Variants in IGFL2 observed in about 807,000 individuals in gnomAD.
IGFL2 encodes the protein IGF like family member 2, also known as insulin growth factor-like family member 2.
Under a neutral mutation model 13.9 loss-of-function variants are expected in IGFL2, and 7 were observed. The observed-to-expected ratio is 0.51, with a 90% CI of 0.29 to 0.95. The LOEUF (loss-of-function observed/expected upper bound fraction) is 0.95. Ranked by LOEUF, IGFL2 falls within the 40% of genes least tolerant of loss-of-function variation. The pLI, the probability that IGFL2 is intolerant of heterozygous loss-of-function variation, is 0.08. For synonymous variants in IGFL2, 55 were observed against 55.8 expected (o/e 0.99, Z 0.07); for missense variants, 138 against 147.8 (o/e 0.93, Z 0.34).
chr19:46,152,344 A>G (rs142407589), intron 1 of IGFL2, among the ~76,000 whole-genome samples: 132 of 150,864 alleles, frequency 8.7e-4, no homozygotes, highest in African/African-American at 3.1e-3. Flanking sequence ...TGGTGTGATC[A>G]TAGCTCAATG....
chr19:46,091,838 G>A, the IGFL2 span, among the ~76,000 whole-genome samples: 2,017 of 152,112 alleles, frequency 0.013, 31 homozygotes, highest in Middle Eastern at 0.027. Context: ...AAATACAAAA[G>A]CATTTTTAAA....
At chr19:46,168,343 G>T in the IGFL2 span, among the ~76,000 whole-genome samples, 4 of 152,132 alleles carry the variant, frequency 2.6e-5, no homozygotes, top group East Asian at 5.8e-4. Context: ...CAAATGTCTG[G>T]TCTTATTTAA....
chr19:46,124,417 A>G, the IGFL2 span: 1 of 1,377,264 alleles, frequency 7.3e-7, no homozygotes, highest in Non-Finnish European at 1.0e-6. Context: ...GGGTGGTTTA[A>G]AGGTGGAGAT....
chr19:46,151,456 T>C (rs1203390438), intron 1 of IGFL2, among the ~76,000 whole-genome samples: 2 of 152,258 alleles, frequency 1.3e-5, no homozygotes, highest in African/African-American at 2.4e-5. Flanking sequence ...TTGATCTATA[T>C]GTCTATCCTG....
chr19:46,080,701 C>T, the IGFL2 span, among the ~76,000 whole-genome samples: 4 of 152,240 alleles, frequency 2.6e-5, no homozygotes, highest in South Asian at 6.2e-4. Flanking sequence ...TGTTGGTGGT[C>T]TTGGTTTCAG....
At chr19:46,137,678 C>G in the IGFL2 span, 2 of 574,070 alleles carry the variant, frequency 3.5e-6, no homozygotes, top group Non-Finnish European at 6.3e-6. Context: ...TGTGGCCCAG[C>G]CTTGGTCCCC....
In IGFL2 at chr19:46,148,669, A is replaced by G. The variant is rs962990248; in HGVS notation, c.19+372A>G. Among the ~76,000 whole-genome samples the G allele has an allele frequency of 2.6e-5, 4 of 152,250 alleles. No homozygotes were observed. The East Asian group carries it at 7.7e-4, about 29-fold the overall frequency. Reference sequence around the variant, plus strand: ...GTCATTCTTCTCTCAGCTGATCTTTATTTTTGAACTCCTGGGCTCAGACTC... The same window carrying G: ...GTCATTCTTCTCTCAGCTGATCTTTGTTTTTGAACTCCTGGGCTCAGACTC... On this transcript the variant is annotated intron_variant, in intron 1 of 3. Transcript: ENST00000377693.
the IGFL2 span, among the ~76,000 whole-genome samples, chr19:46,109,559 A>G: frequency 6.6e-6 from 1 of 151,982 alleles, no homozygotes; most frequent in East Asian, 1.9e-4. Context: ...CTCGTGATCC[A>G]CCCACCTCGG....
chr19:46,177,197 C>T, the IGFL2 span, among the ~76,000 whole-genome samples: 3 of 151,620 alleles, frequency 2.0e-5, no homozygotes, highest in Non-Finnish European at 2.9e-5. Flanking sequence ...GAGTTCGAGA[C>T]CAGCCTGGCC....
At chr19:46,080,825 T>A in the IGFL2 span, among the ~76,000 whole-genome samples, 4 of 152,222 alleles carry the variant, frequency 2.6e-5, no homozygotes, top group Non-Finnish European at 5.9e-5. Context: ...AGCCTTGATG[T>A]CCAGGGCTGA....
At chr19:46,140,365 G>A (rs1972808111), upstream of IGFL2, among the ~76,000 whole-genome samples, 1 of 152,104 alleles carries the variant, frequency 6.6e-6, no homozygotes, top group East Asian at 1.9e-4. Flanking sequence ...TCAGCTTCCA[G>A]AGGATGAACG....
intron 1 of IGFL2, among the ~76,000 whole-genome samples, chr19:46,153,817 G>GTA (rs373971338): frequency 0.018 from 2,582 of 145,164 alleles, 24 homozygotes; most frequent in South Asian, 0.032. Context: ...TTATATATGT[G>GTA]TATATATATA....
At chr19:46,126,071 T>C in the IGFL2 span, among the ~76,000 whole-genome samples, 1 of 152,132 alleles carries the variant, frequency 6.6e-6, no homozygotes, top group East Asian at 1.9e-4. Context: ...AACACTAAGA[T>C]GTTATTGAAA....
At chr19:46,131,332 C>T in the IGFL2 span, among the ~76,000 whole-genome samples, 1 of 152,164 alleles carries the variant, frequency 6.6e-6, no homozygotes, top group African/African-American at 2.4e-5. Flanking sequence ...TAGACAAAAA[C>T]TTCTCTCCTT....
At chr19:46,159,459 G>GA (rs1413608418) in intron 1 of IGFL2, 2 of 152,112 alleles carry the variant, frequency 1.3e-5, no homozygotes, top group South Asian at 2.1e-4. Context: ...CCCAGGAGAG[G>GA]AAAAAGGTTA....
chr19:46,203,080 C>T, the IGFL2 span: 1 of 152,146 alleles, frequency 6.6e-6, no homozygotes, highest in Non-Finnish European at 1.5e-5. Context: ...AAAAGAGAGT[C>T]AGCAAAGGGA....
upstream of IGFL2, among the ~76,000 whole-genome samples, chr19:46,138,369 T>G (rs1193810143): frequency 2.0e-5 from 3 of 152,124 alleles, no homozygotes; most frequent in Non-Finnish European, 4.4e-5. Context: ...GTCCCCTGGA[T>G]CTTCAGGGTT....
chr19:46,204,456 G>A, the IGFL2 span, among the ~76,000 whole-genome samples: 9 of 152,282 alleles, frequency 5.9e-5, no homozygotes, highest in East Asian at 1.4e-3. Context: ...AACAGATGTT[G>A]GAGTTTACTG....
At chr19:46,144,830 A>G (rs1219134042), upstream of IGFL2, among the ~76,000 whole-genome samples, 1 of 152,008 alleles carries the variant, frequency 6.6e-6, no homozygotes, top group Admixed American at 6.6e-5. Flanking sequence ...TCTTTCCTAT[A>G]GTTTTGCCTT....
Sources: gnomAD v4.1 joint callset for allele counts (sites outside exome capture counted in the v4.1 genomes callset) on GRCh38, gnomAD v4.1.1 for gene constraint, MANE v1.5 for transcripts, NCBI Gene and HGNC (gene_info 2026-07-23, HGNC 2026-07-21) for gene names.